Variants in CECR2 observed in about 807,000 individuals in gnomAD.
CECR2 encodes chromatin remodeling regulator CECR2.
Under a neutral mutation model 154.5 loss-of-function variants are expected in CECR2, and 30 were observed. That is an observed-to-expected ratio of 0.19 (90% CI 0.15 to 0.26). The LOEUF (loss-of-function observed/expected upper bound fraction) is 0.26, where lower values mean the gene tolerates loss of function less well. Ranked by LOEUF, CECR2 falls within the 10% of genes least tolerant of loss-of-function variation. The pLI, the probability that CECR2 is intolerant of heterozygous loss-of-function variation, is 1.00. For missense variants in CECR2, 1,743 were observed against 1,829.3 expected (o/e 0.95, Z 0.86); for synonymous variants, 725 against 683.7 (o/e 1.06, Z -0.94).
intron 1 of CECR2, among the ~76,000 whole-genome samples, chr22:17,397,663 A>T (rs1041025716): frequency 3.3e-5 from 5 of 151,338 alleles, no homozygotes. Context: ...ACGCTCGGCT[A>T]ATTTTTTGTA....
intron 1 of CECR2, among the ~76,000 whole-genome samples, chr22:17,414,233 A>C (rs985630862): frequency 1.3e-5 from 2 of 152,126 alleles, no homozygotes; most frequent in African/African-American, 2.4e-5. Flanking sequence ...TGGCCTCCCA[A>C]AGTGCTGGGA....
At chr22:17,547,378 G>A (rs185161794) in intron 16 of CECR2, among the ~76,000 whole-genome samples, 5 of 151,864 alleles carry the variant, frequency 3.3e-5, no homozygotes, top group South Asian at 4.2e-4. Context: ...TGCAGGTGCC[G>A]GCCACCACAC....
chr22:17,468,795 A>G (rs1485667943), intron 1 of CECR2, among the ~76,000 whole-genome samples: 4 of 152,180 alleles, frequency 2.6e-5, no homozygotes, highest in Non-Finnish European at 5.9e-5. Context: ...GCCGTAACAA[A>G]ATATCACAGA....
At chr22:17,528,523 T>G (rs922420900) in intron 9 of CECR2, among the ~76,000 whole-genome samples, 1 of 152,044 alleles carries the variant, frequency 6.6e-6, no homozygotes, top group Non-Finnish European at 1.5e-5. Context: ...TATGGCTTTT[T>G]TTTTCTTTTC....
chr22:17,424,282 A>G (rs1859120), intron 1 of CECR2: 43,152 of 152,768 alleles, frequency 0.28, 6,119 homozygotes, highest in Middle Eastern at 0.36. Context: ...TTAATGACCA[A>G]GTCTAAGGGT....
intron 1 of CECR2, among the ~76,000 whole-genome samples, chr22:17,472,243 G>A (rs963776622): frequency 1.3e-5 from 2 of 152,212 alleles, no homozygotes; most frequent in African/African-American, 4.8e-5. Flanking sequence ...ACTTTACAGT[G>A]TAAATTGGCA....
intron 2 of CECR2, among the ~76,000 whole-genome samples, chr22:17,487,578 G>A (rs1372694583): frequency 6.6e-6 from 1 of 152,140 alleles, no homozygotes; most frequent in Non-Finnish European, 1.5e-5. Flanking sequence ...GCGAGCGCCT[G>A]TAGTCCCAGC....
At chr22:17,441,859 T>C (rs2054589526) in intron 1 of CECR2, among the ~76,000 whole-genome samples, 1 of 152,236 alleles carries the variant, frequency 6.6e-6, no homozygotes, top group Non-Finnish European at 1.5e-5. Context: ...TTGTAAGAAT[T>C]TCATGGAACA....
Position 17,402,757 on chromosome 22 carries a change from T to C in CECR2, c.126+32848T>C, listed in dbSNP as rs996822035. 3.8e-3 allele frequency among the ~76,000 whole-genome samples: 120 copies of C among 31,606 alleles called. 1 individual carries two copies. Among genetic ancestry groups the C allele is most frequent in the African/African-American group, 0.016 (72 of 4,598 alleles). The allele number at this position is 31,606 out of a possible 152,430, so 20.7% of individuals were successfully genotyped here. On this transcript the variant is annotated intron_variant, in intron 1 of 18. Coordinates refer to ENST00000262608, the MANE Select transcript of CECR2 (RefSeq NM_001290047.2). ...TTCTTTCTTTCTTTCTTTTCTTCTT[T>C]TTTTTTTTTTTTTTTTGGAGACGTA... is the stretch of plus-strand genomic sequence containing the variant.
intron 16 of CECR2, among the ~76,000 whole-genome samples, 197 bp downstream of exon 16, chr22:17,543,200 T>C (rs2056558508): frequency 6.6e-6 from 1 of 152,150 alleles, no homozygotes; most frequent in Non-Finnish European, 1.5e-5. Context: ...TGGTGTGATT[T>C]CGGCTCACTG....
intron 1 of CECR2, among the ~76,000 whole-genome samples, chr22:17,408,918 C>G (rs1248000439): frequency 6.6e-6 from 1 of 152,114 alleles, no homozygotes; most frequent in Non-Finnish European, 1.5e-5. Flanking sequence ...CATCTTCTAC[C>G]TTCCTTACCT....
chr22:17,381,179 A>G (rs1210527695), intron 1 of CECR2, among the ~76,000 whole-genome samples: 33 of 152,082 alleles, frequency 2.2e-4, no homozygotes, highest in Non-Finnish European at 2.9e-5. Flanking sequence ...ATTATTTTCC[A>G]CTCTTACACT....
At position 17,407,276 on chromosome 22, in the gene CECR2, G is replaced by A. The variant is rs1313924098; in HGVS notation, c.126+37367G>A. On this transcript the variant is annotated intron_variant, in intron 1 of 18. Transcript: ENST00000262608. ...TCCTAGTGAGATATAGAGCAAGGCT[G>A]GTGAATGAGAATACCGTACTGGGCT... 1.3e-5 allele frequency among the ~76,000 whole-genome samples: 2 copies of A among 152,176 alleles called. 1 individual carries two copies. Among genetic ancestry groups the A allele is most frequent in the African/African-American group, 4.8e-5 (2 of 41,450 alleles).
At chr22:17,450,281 T>C (rs1464688953) in intron 1 of CECR2, among the ~76,000 whole-genome samples, 1 of 152,190 alleles carries the variant, frequency 6.6e-6, no homozygotes, top group Admixed American at 6.5e-5. Context: ...TAACTTTTTG[T>C]TGTTGTTTTA....
chr22:17,549,462 G>T lies in CECR2; in HGVS notation c.4175G>T (p.Cys1392Phe). 1 of 1,611,652 alleles carries T rather than the reference G, an allele frequency of 6.2e-7. No individual in the cohort carries two copies. Among genetic ancestry groups the T allele is most frequent in the Non-Finnish European group, 8.5e-7 (1 of 1,178,826 alleles). The change falls in exon 17 of 19, where the codon TGC becomes TTC. Residue 1392 changes from cysteine (C) to phenylalanine (F), a missense_variant. Cys to Phe is a radical substitution (Grantham distance 205). This residue lies in a region of CECR2 where 1,250 missense variants were observed against 1,192.1 expected (regional missense o/e 1.05). Transcript: ENST00000262608. ...GLSQEGPIYRCQEEGLGHFQA... is the reference protein window; with the variant it reads ...GLSQEGPIYRFQEEGLGHFQA... Reference sequence around the variant, plus strand: ...TCTCAGGAGGGTCCCATCTATCGCTGCCAGGAAGAAGGCCTGGGTCACTTT... The same window carrying T: ...TCTCAGGAGGGTCCCATCTATCGCTTCCAGGAAGAAGGCCTGGGTCACTTT...
chr22:17,484,104 A>G (rs893881744), intron 2 of CECR2, among the ~76,000 whole-genome samples: 12 of 152,208 alleles, frequency 7.9e-5, no homozygotes, highest in African/African-American at 2.4e-4. Flanking sequence ...AGGTTTATGT[A>G]AATACACTAT....
chr22:17,386,052 A>G (rs1358171967), intron 1 of CECR2, among the ~76,000 whole-genome samples: 3 of 152,226 alleles, frequency 2.0e-5, no homozygotes, highest in African/African-American at 7.2e-5. Context: ...CTGGCAGGCC[A>G]GGCAGCCCCA....
At chr22:17,485,181 C>T (rs1057296754) in intron 2 of CECR2, among the ~76,000 whole-genome samples, 1 of 152,184 alleles carries the variant, frequency 6.6e-6, no homozygotes, top group Non-Finnish European at 1.5e-5. Flanking sequence ...AGAAAGTCCT[C>T]TCCCATCCTT....
intron 8 of CECR2, among the ~76,000 whole-genome samples, chr22:17,521,805 T>TA (rs2056163712): frequency 6.6e-6 from 1 of 152,330 alleles, no homozygotes; most frequent in Admixed American, 6.5e-5. Context: ...CTTTTGGTGT[T>TA]TTAGTCATGA....
Sources: allele counts gnomAD v4.1 joint callset (sites outside exome capture counted in the v4.1 genomes callset), GRCh38; gene constraint gnomAD v4.1.1; regional missense constraint gnomAD v4.1.1; transcripts MANE v1.5; gene names NCBI Gene and HGNC (gene_info 2026-07-23, HGNC 2026-07-21).